Variants in CCSER1 observed in about 807,000 individuals in gnomAD.
CCSER1 encodes the protein serine-rich coiled-coil domain-containing protein 1.
In CCSER1, 41 loss-of-function variants were observed where a neutral mutation model predicts 82.0. That is an observed-to-expected ratio of 0.50 (90% CI 0.39 to 0.65). The LOEUF (loss-of-function observed/expected upper bound fraction) is 0.65. Among genes scored for constraint, CCSER1 ranks in the 30% least tolerant of loss-of-function variants. CCSER1 has a pLI of 0.00. For synonymous variants in CCSER1, 414 were observed against 383.9 expected (o/e 1.08, Z -0.92); for missense variants, 1,119 against 1,064.2 (o/e 1.05, Z -0.72).
chr4:91,160,047 T>A lies in CCSER1; in HGVS notation c.2217+74053T>A, dbSNP rs139543873. 8.9e-3 allele frequency among the ~76,000 whole-genome samples: 1,293 copies of A among 144,686 alleles called. 10 individuals carry two copies. Among genetic ancestry groups the A allele is most frequent in the African/African-American group, 0.019 (779 of 40,166 alleles). The allele number at this position is 144,686 out of a possible 152,430, so 94.9% of individuals were successfully genotyped here. ...TTTCTCCTAATGCTATCCCTCCCCC[T>A]GCCCCCACCCCATGACAGGCCCCCA... On this transcript the variant is annotated intron_variant, in intron 10 of 10. Coordinates refer to ENST00000509176, the MANE Select transcript of CCSER1 (RefSeq NM_001145065.2).
intron 10 of CCSER1, among the ~76,000 whole-genome samples, chr4:91,544,631 TTGTAGAAAGGCAAG>T (rs1761786852): frequency 6.6e-6 from 1 of 152,152 alleles, no homozygotes. Flanking sequence ...ACAGCAAATA[TTGTAGAAAGGCAAG>T]TGTTGCTGCC....
intron 10 of CCSER1, among the ~76,000 whole-genome samples, chr4:91,418,994 CAT>C (rs777834769): frequency 1.3e-4 from 19 of 151,924 alleles, no homozygotes; most frequent in Non-Finnish European, 2.2e-4. Context: ...CAGTAAAAAT[CAT>C]ATGATCATCT....
At chr4:91,215,029 T>A (rs1340741020) in intron 10 of CCSER1, among the ~76,000 whole-genome samples, 1 of 152,042 alleles carries the variant, frequency 6.6e-6, no homozygotes, top group East Asian at 1.9e-4. Context: ...TTAAGGGATC[T>A]ATTGTTTTTT....
intron 6 of CCSER1, 53 bp downstream of exon 6, chr4:90,628,285 C>G (rs1012901482): frequency 1.4e-6 from 2 of 1,438,734 alleles, no homozygotes; most frequent in Non-Finnish European, 2.0e-6. Context: ...ACAATGAAGT[C>G]TGCAGACGTG....
At chr4:90,642,719 C>T (rs771715233) in intron 6 of CCSER1, among the ~76,000 whole-genome samples, 2 of 151,984 alleles carry the variant, frequency 1.3e-5, no homozygotes, top group African/African-American at 4.8e-5. Context: ...CACTTGTAGT[C>T]TCAGCTACGC....
chr4:90,946,763 A>G (rs1040058199), intron 9 of CCSER1, among the ~76,000 whole-genome samples: 6 of 152,204 alleles, frequency 3.9e-5, no homozygotes, highest in African/African-American at 1.4e-4. Flanking sequence ...TCAGATTTTA[A>G]CACCCTTTAC....
intron 4 of CCSER1, among the ~76,000 whole-genome samples, chr4:90,441,994 C>A (rs1035642098): frequency 2.0e-5 from 3 of 152,174 alleles, no homozygotes; most frequent in Admixed American, 6.5e-5. Context: ...ACATTTCAGT[C>A]CTGTGGAACC....
intron 9 of CCSER1, among the ~76,000 whole-genome samples, chr4:90,955,061 T>G (rs542617460): frequency 6.6e-6 from 1 of 152,342 alleles, no homozygotes; most frequent in Non-Finnish European, 1.5e-5. Context: ...CTTCCTTGGT[T>G]AATATTTCTC....
intron 10 of CCSER1, among the ~76,000 whole-genome samples, chr4:91,255,917 G>T (rs188997305): frequency 6.6e-6 from 1 of 152,106 alleles, no homozygotes; most frequent in Admixed American, 6.6e-5. Flanking sequence ...AAGCATGTGT[G>T]TTTGAACAAT....
chr4:90,539,835 T>C (rs1775881026), intron 5 of CCSER1, among the ~76,000 whole-genome samples: 1 of 152,226 alleles, frequency 6.6e-6, no homozygotes, highest in Non-Finnish European at 1.5e-5. Flanking sequence ...GTTATGGGAA[T>C]TGAAGGTATT....
chr4:90,413,354 C>T (rs1331895345), intron 4 of CCSER1, among the ~76,000 whole-genome samples: 1 of 152,100 alleles, frequency 6.6e-6, no homozygotes, highest in Non-Finnish European at 1.5e-5. Flanking sequence ...GAACCATTAT[C>T]GTGAAAAAAA....
At chr4:90,975,837 A>C (rs927319345) in intron 9 of CCSER1, among the ~76,000 whole-genome samples, 1 of 151,246 alleles carries the variant, frequency 6.6e-6, no homozygotes, top group Non-Finnish European at 1.5e-5. Context: ...ATTTTTTCTA[A>C]TACAAAATAC....
chr4:90,436,677 GAC>G (rs1299814760), intron 4 of CCSER1, among the ~76,000 whole-genome samples: 1 of 151,966 alleles, frequency 6.6e-6, no homozygotes, highest in Non-Finnish European at 1.5e-5. Flanking sequence ...TGATTCATCT[GAC>G]ACAATTATAT....
intron 1 of CCSER1, among the ~76,000 whole-genome samples, chr4:90,243,573 G>C (rs199990705): frequency 1.3e-4 from 18 of 141,384 alleles, no homozygotes; most frequent in African/African-American, 4.8e-4. Flanking sequence ...TTTTGGGGAG[G>C]TGGGGGGTCT....
At chr4:90,801,564 G>T (rs1756812851) in intron 7 of CCSER1, among the ~76,000 whole-genome samples, 1 of 152,096 alleles carries the variant, frequency 6.6e-6, no homozygotes, top group African/African-American at 2.4e-5. Flanking sequence ...ATATGCCACT[G>T]TATCAAGAGA....
At chr4:91,258,935 C>T (rs1740900683) in intron 10 of CCSER1, among the ~76,000 whole-genome samples, 1 of 152,062 alleles carries the variant, frequency 6.6e-6, no homozygotes, top group African/African-American at 2.4e-5. Context: ...TCTTCCTTTT[C>T]ATACATCTAT....
intron 6 of CCSER1, among the ~76,000 whole-genome samples, chr4:90,716,098 A>T (rs1341793944): frequency 6.6e-6 from 1 of 151,448 alleles, no homozygotes; most frequent in African/African-American, 2.4e-5. Context: ...AAATAACTGT[A>T]TATAAATATT....
At chr4:90,155,452 T>C (rs574532888) in intron 1 of CCSER1, among the ~76,000 whole-genome samples, 31 of 152,336 alleles carry the variant, frequency 2.0e-4, no homozygotes, top group South Asian at 2.1e-4. Context: ...TCAGAAGGAA[T>C]GGTACCAGTT....
chr4:91,566,782 C>G (rs1341047196), intron 10 of CCSER1, among the ~76,000 whole-genome samples: 1 of 151,858 alleles, frequency 6.6e-6, no homozygotes, highest in South Asian at 2.1e-4. Flanking sequence ...TCTCTCTATT[C>G]TTCTTTATTA....
Sources: allele counts gnomAD v4.1 joint callset (sites outside exome capture counted in the v4.1 genomes callset), GRCh38; gene constraint gnomAD v4.1.1; transcripts MANE v1.5; gene names NCBI Gene and HGNC (gene_info 2026-07-23, HGNC 2026-07-21).